ARHGEF4: variants seen among roughly 807,000 people sequenced by gnomAD.
ARHGEF4 encodes the protein APC-stimulated guanine nucleotide exchange factor 1.
In ARHGEF4, 119 loss-of-function variants were observed where a neutral mutation model predicts 162.0. That is an observed-to-expected ratio of 0.73 (90% CI 0.63 to 0.86). The LOEUF (loss-of-function observed/expected upper bound fraction) is 0.86. Ranked by LOEUF, ARHGEF4 falls within the 40% of genes least tolerant of loss-of-function variation. The pLI is 0.00. For missense variants in ARHGEF4, 2,488 were observed against 2,456.0 expected (o/e 1.01, Z -0.28); for synonymous variants, 1,014 against 979.9 (o/e 1.03, Z -0.65).
intron 1 of ARHGEF4, among the ~76,000 whole-genome samples, chr2:130,844,347 C>A (rs1004247469): frequency 1.3e-5 from 2 of 152,206 alleles, no homozygotes; most frequent in Non-Finnish European, 2.9e-5. Flanking sequence ...CCCTCCGGCC[C>A]TCACGTTGCC....
intron 1 of ARHGEF4, chr2:130,837,375 C>T: frequency 3.1e-6 from 1 of 327,088 alleles, no homozygotes; most frequent in Non-Finnish European, 5.8e-6. Flanking sequence ...GAGCCTCTGC[C>T]GCTTGGCGCA....
chr2:131,002,814 A>C (rs1687871695), intron 4 of ARHGEF4, among the ~76,000 whole-genome samples: 1 of 151,022 alleles, frequency 6.6e-6, no homozygotes, highest in Non-Finnish European at 1.5e-5. Context: ...TGGAACGGAC[A>C]GTCTGAATGA....
intron 1 of ARHGEF4, among the ~76,000 whole-genome samples, chr2:130,908,101 ATTTG>A (rs2105035405): frequency 6.6e-6 from 1 of 151,984 alleles, no homozygotes; most frequent in East Asian, 1.9e-4. Context: ...ATGTTTTTCC[ATTTG>A]TTTGTGTCAT....
At chr2:130,992,100 T>C (rs914366089) in intron 4 of ARHGEF4, among the ~76,000 whole-genome samples, 3 of 152,166 alleles carry the variant, frequency 2.0e-5, no homozygotes, top group Admixed American at 6.5e-5. Flanking sequence ...AACCTTTGTG[T>C]CCATACTCTG....
intron 4 of ARHGEF4, among the ~76,000 whole-genome samples, chr2:130,977,677 T>C (rs1455406150): frequency 3.3e-5 from 5 of 152,026 alleles, no homozygotes; most frequent in Non-Finnish European, 7.4e-5. Flanking sequence ...TGTGTGTGTG[T>C]GCGCTGTGTG....
chr2:131,003,267 C>T (rs2105315967), intron 4 of ARHGEF4, among the ~76,000 whole-genome samples: 1 of 152,326 alleles, frequency 6.6e-6, no homozygotes, highest in East Asian at 1.9e-4. Flanking sequence ...CCCCTCTGCA[C>T]CTCAGTTCCT....
chr2:130,992,301 C>T (rs1687060946), intron 4 of ARHGEF4, among the ~76,000 whole-genome samples: 1 of 152,166 alleles, frequency 6.6e-6, no homozygotes, highest in African/African-American at 2.4e-5. Flanking sequence ...TCCCCTTCCA[C>T]ACTGTGGAAG....
chr2:130,932,292 TCATC>T (rs376607901), intron 3 of ARHGEF4, among the ~76,000 whole-genome samples: 170 of 152,360 alleles, frequency 1.1e-3, no homozygotes, highest in African/African-American at 3.9e-3. Flanking sequence ...CTCACTTTGT[TCATC>T]CATACATCCA....
chr2:130,865,649 C>A (rs542273553), intron 1 of ARHGEF4, among the ~76,000 whole-genome samples: 1 of 152,294 alleles, frequency 6.6e-6, no homozygotes, highest in East Asian at 1.9e-4. Context: ...TTCTGATCCT[C>A]GCGGAAAAAG....
intron 2 of ARHGEF4, among the ~76,000 whole-genome samples, chr2:130,924,106 C>T (rs1188312421): frequency 6.6e-6 from 1 of 151,610 alleles, no homozygotes; most frequent in African/African-American, 2.4e-5. Context: ...TGGTCTCGAT[C>T]TCCTGACCTC....
rs898376484 is a variant in ARHGEF4, at chr2:130,917,431, G to A, written c.3485G>A (p.Arg1162Lys). 1.5e-5 allele frequency: 24 copies of A among 1,550,520 alleles called. No individual in the cohort carries two copies. Among genetic ancestry groups the A allele is most frequent in the Non-Finnish European group, 2.0e-5 (23 of 1,147,014 alleles). The change falls in exon 2 of 14, where the codon AGG (arginine) becomes AAG (lysine). Residue 1162 changes from arginine to lysine, a missense_variant. Physicochemically the swap from Arg to Lys is conservative, Grantham distance 26. This residue lies in a region of ARHGEF4 where 1,642 missense variants were observed against 1,481.5 expected (regional missense o/e 1.11). Coordinates refer to ENST00000409359, the MANE Select transcript of ARHGEF4 (RefSeq NM_001367493.1). The part of the protein sequence containing the change: ...LNQDEQKEES[R>K]EGGQGPRGLG... ...CAAGATGAGCAGAAGGAAGAGAGCA[G>A]GGAAGGAGGCCAGGGTCCGCGCGGC...
chr2:130,982,002 A>G (rs555956260), intron 4 of ARHGEF4, among the ~76,000 whole-genome samples: 5 of 152,228 alleles, frequency 3.3e-5, no homozygotes, highest in African/African-American at 1.2e-4. Context: ...CCAAACTGCC[A>G]ATACATTTTT....
At chr2:130,911,865 G>GTC (rs910868726) in intron 1 of ARHGEF4, among the ~76,000 whole-genome samples, 12 of 152,224 alleles carry the variant, frequency 7.9e-5, no homozygotes, top group Non-Finnish European at 1.8e-4. Context: ...TGGCATTCTA[G>GTC]TCACCAGGGT....
intron 1 of ARHGEF4, among the ~76,000 whole-genome samples, chr2:130,840,561 C>T (rs550936353): frequency 1.3e-5 from 2 of 152,314 alleles, no homozygotes; most frequent in African/African-American, 2.4e-5. Flanking sequence ...GAAGCCTCCA[C>T]ACCATGGCTC....
chr2:131,024,608 G>A (rs1689354518), intron 4 of ARHGEF4, among the ~76,000 whole-genome samples: 1 of 152,200 alleles, frequency 6.6e-6, no homozygotes, highest in Admixed American at 6.5e-5. Flanking sequence ...AGGGGAGAAG[G>A]TATGGCAATT....
intron 4 of ARHGEF4, among the ~76,000 whole-genome samples, chr2:130,951,509 CACA>C (rs1683956140): frequency 6.6e-6 from 1 of 152,156 alleles, no homozygotes; most frequent in African/African-American, 2.4e-5. Context: ...AGTTGGAACA[CACA>C]ACATTTATTG....
chr2:130,971,712 G>C (rs1685384591), intron 4 of ARHGEF4, among the ~76,000 whole-genome samples: 1 of 149,274 alleles, frequency 6.7e-6, no homozygotes, highest in African/African-American at 2.4e-5. Context: ...ATATCCTCTT[G>C]AGTTTTGATA....
chr2:131,020,306 A>C (rs1448483436), intron 4 of ARHGEF4, among the ~76,000 whole-genome samples: 4 of 150,856 alleles, frequency 2.7e-5, no homozygotes, highest in Non-Finnish European at 4.4e-5. Flanking sequence ...TTCATTTAAC[A>C]TTAGGTATAT....
intron 4 of ARHGEF4, among the ~76,000 whole-genome samples, chr2:131,008,138 A>G (rs1190258245): frequency 3.3e-5 from 5 of 152,166 alleles, no homozygotes; most frequent in Non-Finnish European, 5.9e-5. Context: ...TGAATTGGCT[A>G]CATGGTGTTT....
Sources: gnomAD v4.1 joint callset for allele counts (sites outside exome capture counted in the v4.1 genomes callset) on GRCh38, gnomAD v4.1.1 for gene constraint, gnomAD v4.1.1 regional missense constraint, MANE v1.5 for transcripts, NCBI Gene and HGNC (gene_info 2026-07-23, HGNC 2026-07-21) for gene names.